PIP5K1B: variants seen among roughly 807,000 people sequenced by gnomAD.
PIP5K1B encodes the protein phosphatidylinositol-4-phosphate 5-kinase type 1 beta.
Under a neutral mutation model 67.0 loss-of-function variants are expected in PIP5K1B, and 42 were observed. The ratio of observed to expected loss-of-function variants is 0.63; its 90% CI spans 0.49 to 0.81. The LOEUF is 0.81. Ranked by LOEUF, PIP5K1B falls within the 30% of genes least tolerant of loss-of-function variation. PIP5K1B has a pLI of 0.00. For missense variants in PIP5K1B, 459 were observed against 646.3 expected, an observed-to-expected ratio of 0.71 and a Z score of 3.14; for synonymous variants, 214 against 231.4, an observed-to-expected ratio of 0.92 and a Z score of 0.68.
intron 2 of PIP5K1B, among the ~76,000 whole-genome samples, chr9:68,794,903 A>T (rs986440728): frequency 3.3e-5 from 5 of 152,158 alleles, no homozygotes; most frequent in Non-Finnish European, 7.4e-5. Flanking sequence ...TGGGTTGGGA[A>T]GTCTGTCTGG....
At chr9:68,946,033 A>C (rs1827788072) in intron 14 of PIP5K1B, among the ~76,000 whole-genome samples, 2 of 152,238 alleles carry the variant, frequency 1.3e-5, no homozygotes, top group South Asian at 4.1e-4. Flanking sequence ...TGTTATTTCC[A>C]ACTCTCCAGG....
intron 1 of PIP5K1B, among the ~76,000 whole-genome samples, chr9:68,715,712 A>G (rs1827603782): frequency 6.6e-6 from 1 of 152,150 alleles, no homozygotes; most frequent in African/African-American, 2.4e-5. Flanking sequence ...ATGAATACCA[A>G]TACTTCTACC....
intron 14 of PIP5K1B, among the ~76,000 whole-genome samples, chr9:68,977,922 C>T (rs888827915): frequency 1.3e-5 from 2 of 152,152 alleles, no homozygotes; most frequent in Non-Finnish European, 2.9e-5. Flanking sequence ...GCTGGGATTA[C>T]AGGCGTGAGC....
At chr9:68,982,707 A>G (rs1372899759) in intron 14 of PIP5K1B, among the ~76,000 whole-genome samples, 1 of 152,054 alleles carries the variant, frequency 6.6e-6, no homozygotes, top group Non-Finnish European at 1.5e-5. Context: ...GGTTGCAGTG[A>G]GCCAAGATTG....
chr9:68,911,769 G>A (rs1365587013), intron 8 of PIP5K1B, among the ~76,000 whole-genome samples: 1 of 152,150 alleles, frequency 6.6e-6, no homozygotes, highest in Non-Finnish European at 1.5e-5. Context: ...TGTAGTTCCA[G>A]CCACTCGGGA....
intron 1 of PIP5K1B, among the ~76,000 whole-genome samples, chr9:68,730,689 C>T (rs1282191045): frequency 6.6e-6 from 1 of 152,124 alleles, no homozygotes; most frequent in African/African-American, 2.4e-5. Context: ...TGGACTTTGA[C>T]CTGGACTTTG....
At chr9:68,906,700 C>T (rs1825629103) in intron 8 of PIP5K1B, among the ~76,000 whole-genome samples, 1 of 152,194 alleles carries the variant, frequency 6.6e-6, no homozygotes, top group South Asian at 2.1e-4. Context: ...TTAACTTCCT[C>T]TCTTCATTTC....
At chr9:68,808,378 A>C (rs1832981808) in intron 2 of PIP5K1B, among the ~76,000 whole-genome samples, 1 of 151,470 alleles carries the variant, frequency 6.6e-6, no homozygotes, top group African/African-American at 2.4e-5. Context: ...TGACTATCTA[A>C]CTAATTACTC....
chr9:68,995,800 C>T (rs1434788327), intron 15 of PIP5K1B, among the ~76,000 whole-genome samples: 2 of 129,474 alleles, frequency 1.5e-5, no homozygotes, highest in African/African-American at 5.6e-5. Context: ...AGCAAAACTC[C>T]GTCTCAAAAA....
At chr9:68,909,742 G>C (rs897004779) in intron 8 of PIP5K1B, among the ~76,000 whole-genome samples, 2 of 152,188 alleles carry the variant, frequency 1.3e-5, no homozygotes, top group African/African-American at 4.8e-5. Context: ...ATTTAGGTCT[G>C]ACTTCATATT....
chr9:68,874,547 T>TA (rs1158383976), intron 5 of PIP5K1B, among the ~76,000 whole-genome samples: 2 of 152,116 alleles, frequency 1.3e-5, no homozygotes, highest in East Asian at 3.8e-4. Context: ...TTATTATAAT[T>TA]AATGGAAACT....
chr9:68,714,840 A>T (rs552961238), intron 1 of PIP5K1B, among the ~76,000 whole-genome samples: 42 of 152,264 alleles, frequency 2.8e-4, no homozygotes, highest in African/African-American at 9.9e-4. Flanking sequence ...TACCGCAAAT[A>T]CCAAGTTCTT....
At chr9:68,847,040 T>C (rs1258088156) in intron 4 of PIP5K1B, among the ~76,000 whole-genome samples, 1 of 152,162 alleles carries the variant, frequency 6.6e-6, no homozygotes, top group Non-Finnish European at 1.5e-5. Flanking sequence ...TTTTATTTTT[T>C]TCTTTTTGTT....
chr9:68,923,438 G>T, intron 12 of PIP5K1B, 52 bp downstream of exon 12: 2 of 893,102 alleles, frequency 2.2e-6, no homozygotes. Context: ...ATTTCATTAT[G>T]TATCTTTGCA....
intron 1 of PIP5K1B, among the ~76,000 whole-genome samples, chr9:68,724,377 C>T (rs1193435373): frequency 6.6e-6 from 1 of 151,472 alleles, no homozygotes; most frequent in Admixed American, 6.6e-5. Flanking sequence ...TATTTTCAGT[C>T]TTTTGTGGTT....
At chr9:68,846,775 A>G (rs1218663514) in intron 4 of PIP5K1B, among the ~76,000 whole-genome samples, 1 of 152,230 alleles carries the variant, frequency 6.6e-6, no homozygotes, top group African/African-American at 2.4e-5. Context: ...CATCTGTGAT[A>G]TAATACATGT....
intron 4 of PIP5K1B, among the ~76,000 whole-genome samples, chr9:68,860,061 A>C (rs1392107495): frequency 6.6e-6 from 1 of 152,140 alleles, no homozygotes; most frequent in Non-Finnish European, 1.5e-5. Context: ...GAGAACACTT[A>C]AAATCTACTT....
chr9:68,786,124 G>T (rs957931039), intron 2 of PIP5K1B: 15 of 152,146 alleles, frequency 9.9e-5, no homozygotes, highest in African/African-American at 3.6e-4. Flanking sequence ...TGCTGTCTGT[G>T]AAATAAGGCT....
At chr9:68,880,620 TACAC>T (rs138562154) in intron 6 of PIP5K1B, among the ~76,000 whole-genome samples, 4 of 84,978 alleles carry the variant, frequency 4.7e-5, no homozygotes, top group East Asian at 2.9e-4. Flanking sequence ...CACACACGCA[TACAC>T]ACACACACAC....
Sources: gnomAD v4.1 joint callset for allele counts (sites outside exome capture counted in the v4.1 genomes callset) on GRCh38, gnomAD v4.1.1 for gene constraint, MANE v1.5 for transcripts, NCBI Gene and HGNC (gene_info 2026-07-23, HGNC 2026-07-21) for gene names.